The following EPSTI1 variants were observed in gnomAD, a reference collection of about 807,000 sequenced individuals.
The protein encoded by EPSTI1 is epithelial stromal interaction 1.
EPSTI1 carries 66 observed loss-of-function variants against 49.9 expected under a neutral mutation model. That is an observed-to-expected ratio of 1.32 (90% CI 1.08 to 1.62). EPSTI1 has a LOEUF of 1.62. EPSTI1 is among the 40% of genes most tolerant of loss of function. EPSTI1 has a pLI of 0.00. For missense variants in EPSTI1, 394 were observed against 365.5 expected (o/e 1.08, Z -0.64); for synonymous variants, 137 against 130.7 (o/e 1.05, Z -0.33).
chr13:42,978,383 C>T (rs2039922146), intron 1 of EPSTI1, among the ~76,000 whole-genome samples: 1 of 152,044 alleles, frequency 6.6e-6, no homozygotes, highest in South Asian at 2.1e-4. Flanking sequence ...AGGGGGCTTC[C>T]AGGTCATAAT....
intron 7 of EPSTI1, chr13:42,919,404 G>A: frequency 7.4e-7 from 1 of 1,342,960 alleles, no homozygotes; most frequent in South Asian, 1.2e-5. Flanking sequence ...AAATTTCTAA[G>A]TCACTGTATT....
At chr13:42,897,596 T>C (rs2037231137) in intron 9 of EPSTI1, among the ~76,000 whole-genome samples, 1 of 152,186 alleles carries the variant, frequency 6.6e-6, no homozygotes, top group Non-Finnish European at 1.5e-5. Flanking sequence ...TCACTGGCAA[T>C]TGCTCTCAAT....
intron 2 of EPSTI1, chr13:42,969,819 A>C (rs568279147): frequency 6.6e-6 from 1 of 152,364 alleles, no homozygotes; most frequent in East Asian, 1.9e-4. Flanking sequence ...TTATCTCCTC[A>C]TGAGACCTGT....
intron 5 of EPSTI1, among the ~76,000 whole-genome samples, chr13:42,961,548 C>T (rs1353519889): frequency 6.6e-6 from 1 of 152,164 alleles, no homozygotes; most frequent in Admixed American, 6.5e-5. Flanking sequence ...TCTTCCTGGG[C>T]CCCACTGACA....
intron 10 of EPSTI1, among the ~76,000 whole-genome samples, chr13:42,890,520 G>C (rs1249720939): frequency 6.6e-6 from 1 of 151,982 alleles, no homozygotes; most frequent in South Asian, 2.1e-4. Flanking sequence ...GGATGGTCTC[G>C]ATCTCCTGAC....
At chr13:42,950,920 G>A (rs1207043655) in intron 6 of EPSTI1, among the ~76,000 whole-genome samples, 2 of 152,140 alleles carry the variant, frequency 1.3e-5, no homozygotes, top group Non-Finnish European at 2.9e-5. Flanking sequence ...GCTTTGGGAG[G>A]TCAAGGCGGG....
chr13:42,892,510 C>T (rs145325166), intron 10 of EPSTI1, among the ~76,000 whole-genome samples: 330 of 152,082 alleles, frequency 2.2e-3, no homozygotes, highest in African/African-American at 7.7e-3. Context: ...GGGATTGCAC[C>T]GTTATGGAAA....
At chr13:42,933,312 T>TAAAAAAAAAAAAA (rs1178617129) in intron 6 of EPSTI1, among the ~76,000 whole-genome samples, 1 of 77,346 alleles carries the variant, frequency 1.3e-5, no homozygotes, top group South Asian at 3.9e-4. Context: ...ACATAAAAAG[T>TAAAAAAAAAAAAA]AAAAAAAAAA....
chr13:42,972,425 C>A (rs60446225), intron 1 of EPSTI1, among the ~76,000 whole-genome samples: 2,781 of 152,236 alleles, frequency 0.018, 83 homozygotes, highest in African/African-American at 0.065. Flanking sequence ...ATCAAGCTAT[C>A]TTAGAACATT....
chr13:42,900,297 T>G lies in EPSTI1; in HGVS notation c.815+13A>C, dbSNP rs1450560972. The G allele has an allele frequency of 4.3e-6, 7 of 1,611,828 alleles. No individual in the cohort carries two copies. Among genetic ancestry groups the G allele is most frequent in the South Asian group, 1.1e-5 (1 of 90,946 alleles). ...ATTTAACCAAGGATGCTTATTTTATTAGCCAGTTTTACCTCCTGTGTTCAG... is the reference window on the plus strand; with the variant it reads ...ATTTAACCAAGGATGCTTATTTTATGAGCCAGTTTTACCTCCTGTGTTCAG... On this transcript the variant is annotated intron_variant, in intron 9 of 10. Coordinates refer to ENST00000313624, the MANE Select transcript of EPSTI1 (RefSeq NM_033255.5).
At chr13:42,903,621 A>G (rs139461047) in intron 8 of EPSTI1, among the ~76,000 whole-genome samples, 102 of 152,366 alleles carry the variant, frequency 6.7e-4, no homozygotes, top group African/African-American at 1.9e-3. Context: ...CATGATACAT[A>G]TGGAAATGTA....
chr13:42,977,456 G>C (rs2039902289), intron 1 of EPSTI1, among the ~76,000 whole-genome samples: 2 of 152,228 alleles, frequency 1.3e-5, no homozygotes, highest in Non-Finnish European at 2.9e-5. Context: ...GGAAGTCACG[G>C]AGAGAGATTT....
chr13:42,956,737 A>G (rs1299189270), intron 5 of EPSTI1, among the ~76,000 whole-genome samples: 1 of 152,216 alleles, frequency 6.6e-6, no homozygotes, highest in Non-Finnish European at 1.5e-5. Flanking sequence ...GGGCATTCCC[A>G]GAACTTAACG....
chr13:42,986,457 A>G (rs4442686), intron 1 of EPSTI1, among the ~76,000 whole-genome samples: 151,691 of 152,196 alleles, frequency 1, 75,595 homozygotes, highest in East Asian at 1. Context: ...AAAACTTTCA[A>G]CCCCTGGCCG....
Position 42,954,038 on chromosome 13 carries a change from C to G in EPSTI1, c.490-17G>C. 6.3e-7 allele frequency: 1 copy of G among 1,597,638 alleles called. No homozygotes were observed. Among genetic ancestry groups the G allele is most frequent in the Non-Finnish European group, 8.5e-7 (1 of 1,170,370 alleles). ...TTTATTGCTCTGAAATTGCAAATAT[C>G]AAAACATAACTTATTAAAGATGCTT... On this transcript the variant is annotated splice_polypyrimidine_tract_variant and intron_variant, in intron 5 of 10. Coordinates refer to ENST00000313624, the MANE Select transcript of EPSTI1 (RefSeq NM_033255.5).
chr13:42,893,239 T>A (rs1227091942), intron 10 of EPSTI1, among the ~76,000 whole-genome samples: 1 of 152,168 alleles, frequency 6.6e-6, no homozygotes, highest in Non-Finnish European at 1.5e-5. Context: ...TTGATTTATG[T>A]TTTATGCTGA....
At chr13:42,895,663 A>G (rs1291244832) in intron 9 of EPSTI1, among the ~76,000 whole-genome samples, 1 of 152,146 alleles carries the variant, frequency 6.6e-6, no homozygotes, top group African/African-American at 2.4e-5. Flanking sequence ...ATAATTAATC[A>G]CTATAAATAT....
intron 1 of EPSTI1, among the ~76,000 whole-genome samples, chr13:42,971,948 C>T (rs1265496496): frequency 6.6e-6 from 1 of 152,196 alleles, no homozygotes; most frequent in Admixed American, 6.5e-5. Flanking sequence ...TAGGAGACTG[C>T]CACTGGCAAT....
intron 9 of EPSTI1, among the ~76,000 whole-genome samples, chr13:42,897,015 G>A (rs968233665): frequency 6.6e-6 from 1 of 151,164 alleles, no homozygotes; most frequent in Non-Finnish European, 1.5e-5. Flanking sequence ...CAGGAGAATC[G>A]CTTGAACCTG....
Sources: allele counts gnomAD v4.1 joint callset (sites outside exome capture counted in the v4.1 genomes callset), GRCh38; gene constraint gnomAD v4.1.1; transcripts MANE v1.5; gene names NCBI Gene and HGNC (gene_info 2026-07-23, HGNC 2026-07-21).